Variants in ICMT observed in about 807,000 individuals in gnomAD.
The protein encoded by ICMT is isoprenylcysteine carboxyl methyltransferase, also known as protein-S-isoprenylcysteine O-methyltransferase.
A neutral mutation model predicts 32.2 loss-of-function variants in ICMT; 10 were observed. The ratio of observed to expected loss-of-function variants is 0.31; its 90% confidence interval spans 0.19 to 0.53. ICMT has a LOEUF of 0.53. Ranked by LOEUF, ICMT falls within the 20% of genes least tolerant of loss-of-function variation. ICMT has a pLI of 0.96. For missense variants in ICMT, 265 were observed against 356.9 expected, an observed-to-expected ratio of 0.74 and a Z score of 2.07; for synonymous variants, 183 against 158.2, an observed-to-expected ratio of 1.16 and a Z score of -1.18.
intron 4 of ICMT, among the ~76,000 whole-genome samples, chr1:6,228,684 G>T (rs1179622789): frequency 6.6e-6 from 1 of 151,874 alleles, no homozygotes; most frequent in Non-Finnish European, 1.5e-5. Flanking sequence ...CAATCCTCCT[G>T]CTCTGGTCTC....
intron 4 of ICMT, among the ~76,000 whole-genome samples, chr1:6,225,924 G>A (rs1668639763): frequency 6.6e-6 from 1 of 151,510 alleles, no homozygotes; most frequent in Admixed American, 6.6e-5. Context: ...GCGTGATCAT[G>A]GCTCACTGCA....
At position 6,235,706 on chromosome 1, in the gene ICMT, C is replaced by A; in HGVS notation, c.195+11G>T. On this transcript the variant is annotated intron_variant, in intron 1 of 4. Transcript: ENST00000343813. ...CCCCGCCGGCCCCCGCCGGCCCCCG[C>A]CGGCCTGCACCTGGTAGCGAGGCGG... is the stretch of plus-strand genomic sequence containing the variant. 1 of 1,199,104 alleles carries A rather than the reference C, an allele frequency of 8.3e-7. No individual in the cohort carries two copies. Among genetic ancestry groups the A allele is most frequent in the Non-Finnish European group, 1.0e-6 (1 of 967,976 alleles). 74.3% of individuals were successfully genotyped at this position (1,199,104 alleles called of 1,614,324 possible). A position where few individuals can be genotyped will look rare whatever the true frequency, so the allele number is the denominator to read the frequency against.
Position 6,224,826 on chromosome 1 carries a change from T to A in ICMT, c.*254A>T. ...CCCCAGGTAACTCTGGAGGGCGCTG[T>A]GGAATATTGCTGTGATTTGCCCCTT... On this transcript the variant is annotated 3_prime_UTR_variant, in exon 5 of 5. Coordinates refer to ENST00000343813, the MANE Select transcript of ICMT (RefSeq NM_012405.4). 2 of 444,428 alleles carry A rather than the reference T, an allele frequency of 4.5e-6. No homozygotes were observed. The highest frequency in any genetic ancestry group is 8.0e-6 in the Non-Finnish European group (2 of 250,110). The allele number at this position is 444,428 out of a possible 1,614,324, so 27.5% of individuals were successfully genotyped here.
At position 6,221,936 on chromosome 1, in the gene ICMT, A is replaced by G. The variant is rs547602269; in HGVS notation, c.*3144T>C. ...CCACTTTAAAACCTGCAATGGAAAA[A>G]TAAATCTCTTGACAGTTTTTTAAAT... On this transcript the variant is annotated 3_prime_UTR_variant, in exon 5 of 5. Coordinates refer to ENST00000343813, the MANE Select transcript of ICMT (RefSeq NM_012405.4). 5.3e-5 allele frequency: 8 copies of G among 152,352 alleles called. No homozygotes were observed. Among genetic ancestry groups the G allele is most frequent in the African/African-American group, 1.4e-4 (6 of 41,578 alleles). 9.4% of individuals were successfully genotyped at this position (152,352 alleles called of 1,614,324 possible).
rs1465094877 is a variant in ICMT, at chr1:6,222,102, A to G, written c.*2978T>C. On this transcript the variant is annotated 3_prime_UTR_variant, in exon 5 of 5. Coordinates refer to ENST00000343813, the MANE Select transcript of ICMT (RefSeq NM_012405.4). The stretch of plus-strand genomic sequence containing the variant: ...AGATCATGGAACTAAAAAGAAGTCA[A>G]TCACTTACCAAATCCTGTCCTTAAG... 2.0e-5 allele frequency: 3 copies of G among 152,232 alleles called. No individual in the cohort carries two copies. Among genetic ancestry groups the G allele is most frequent in the African/African-American group, 7.2e-5 (3 of 41,456 alleles). 9.4% of individuals were successfully genotyped at this position (152,232 alleles called of 1,614,324 possible). A position where few individuals can be genotyped will look rare whatever the true frequency, so the allele number is the denominator to read the frequency against.
intron 3 of ICMT, among the ~76,000 whole-genome samples, chr1:6,232,521 A>G (rs1199581581): frequency 6.6e-6 from 1 of 152,174 alleles, no homozygotes; most frequent in Non-Finnish European, 1.5e-5. Flanking sequence ...GCTGTGAGAC[A>G]TTCAATTTCA....
intron 4 of ICMT, among the ~76,000 whole-genome samples, chr1:6,228,271 C>T (rs1224694860): frequency 2.6e-5 from 4 of 152,138 alleles, no homozygotes; most frequent in Non-Finnish European, 1.5e-5. Flanking sequence ...GTGCACACTA[C>T]AACTTCCAGA....
intron 4 of ICMT, among the ~76,000 whole-genome samples, chr1:6,228,957 C>T (rs890313655): frequency 6.6e-6 from 1 of 151,420 alleles, no homozygotes; most frequent in African/African-American, 2.4e-5. Flanking sequence ...CACTTGAACC[C>T]GGGAGGTGGA....
rs115294258 is a variant in ICMT at position 6,229,602 on chromosome 1, T to A, written c.672+2300A>T. ...CAAACCCGGGAGGCGGAGGTTGCAA[T>A]GAGCCGAGATTGTGACACCGCACTC... On this transcript the variant is annotated intron_variant, in intron 4 of 4. Transcript: ENST00000343813. 4.2e-3 allele frequency among the ~76,000 whole-genome samples: 643 copies of A among 152,234 alleles called. 5 individuals carry two copies. The highest frequency in any genetic ancestry group is 0.015 in the African/African-American group (619 of 41,536).
At chr1:6,234,065 T>C (rs1267664044) in intron 2 of ICMT, among the ~76,000 whole-genome samples, 1 of 152,166 alleles carries the variant, frequency 6.6e-6, no homozygotes, top group Non-Finnish European at 1.5e-5. Flanking sequence ...GCAAGGCTGG[T>C]CTCGAACTCC....
intron 4 of ICMT, among the ~76,000 whole-genome samples, chr1:6,228,497 C>A (rs1332203838): frequency 6.6e-6 from 1 of 152,060 alleles, no homozygotes; most frequent in African/African-American, 2.4e-5. Flanking sequence ...TGCGTGCCAC[C>A]ACACCAGGCT....
At chr1:6,229,590 C>T (rs1668698815) in intron 4 of ICMT, among the ~76,000 whole-genome samples, 2 of 152,006 alleles carry the variant, frequency 1.3e-5, no homozygotes, top group African/African-American at 2.4e-5. Flanking sequence ...ACCCGGGAGG[C>T]GGAGGTTGCA....
chr1:6,233,319 G>A lies in ICMT; in HGVS notation c.454+155C>T, dbSNP rs746923806. ...ATATCCAGAGGCAGAATTCATGAGCGGAGCTCATCCTTTATAAATAGCTTA... is the reference window on the plus strand; with the variant it reads ...ATATCCAGAGGCAGAATTCATGAGCAGAGCTCATCCTTTATAAATAGCTTA... On this transcript the variant is annotated intron_variant, in intron 3 of 4. Transcript: ENST00000343813. 5.2e-5 allele frequency among the ~76,000 whole-genome samples: 8 copies of A among 152,388 alleles called. No individual in the cohort carries two copies. The East Asian group carries it at 1.2e-3, about 22-fold the overall frequency.
At chr1:6,235,045 CG>C (rs1668798859) in intron 1 of ICMT, 71 bp from the exon 2 acceptor site, 2 of 1,238,240 alleles carry the variant, frequency 1.6e-6, no homozygotes, top group East Asian at 2.4e-5. Context: ...CTGACCTTCC[CG>C]GAATAGGCAA....
chr1:6,232,927 G>A (rs529067585), intron 3 of ICMT, among the ~76,000 whole-genome samples: 82 of 148,506 alleles, frequency 5.5e-4, no homozygotes, highest in Non-Finnish European at 1.1e-3. Flanking sequence ...GCGCGATCAC[G>A]GCTCACTGCA....
At chr1:6,232,749 T>C (rs1417779264) in intron 3 of ICMT, among the ~76,000 whole-genome samples, 3 of 152,168 alleles carry the variant, frequency 2.0e-5, no homozygotes, top group Non-Finnish European at 4.4e-5. Context: ...GGTTTTACCA[T>C]GCTGGTCAGG....
chr1:6,233,160 C>T (rs1053337722), intron 3 of ICMT, among the ~76,000 whole-genome samples: 1 of 152,224 alleles, frequency 6.6e-6, no homozygotes, highest in Non-Finnish European at 1.5e-5. Flanking sequence ...GGCCAGTAAA[C>T]TCTTACATGA....
rs1668575911 is a variant in ICMT at position 6,222,755 on chromosome 1, TCAA to T, written c.*2322_*2324del. ...GCTGCCAACAGCTGCCCTAGACCTA[TCAA>T]CAAGACAACTTCATGGCTCCCAATG... On this transcript the variant is annotated 3_prime_UTR_variant, in exon 5 of 5. Coordinates refer to ENST00000343813, the MANE Select transcript of ICMT (RefSeq NM_012405.4). 6.6e-6 allele frequency: 1 copy of T among 152,186 alleles called. No homozygotes were observed. The highest frequency in any genetic ancestry group is 2.1e-4 in the South Asian group (1 of 4,820). 9.4% of individuals were successfully genotyped at this position (152,186 alleles called of 1,614,324 possible).
At chr1:6,231,818 G>A (rs1342885502) in intron 4 of ICMT, 84 bp downstream of exon 4, 3 of 858,340 alleles carry the variant, frequency 3.5e-6, no homozygotes, top group Non-Finnish European at 5.3e-6. Flanking sequence ...TTGAAATGGT[G>A]ACTTTTATGC....
Sources: allele counts gnomAD v4.1 joint callset (sites outside exome capture counted in the v4.1 genomes callset), GRCh38; gene constraint gnomAD v4.1.1; transcripts MANE v1.5; gene names NCBI Gene and HGNC (gene_info 2026-07-23, HGNC 2026-07-21).